Variants in ST8SIA1 observed in about 807,000 individuals in gnomAD.
ST8SIA1 encodes the protein ST8 alpha-N-acetyl-neuraminide alpha-2,8-sialyltransferase 1, also known as alpha-N-acetylneuraminide alpha-2,8-sialyltransferase.
In ST8SIA1, 16 loss-of-function variants were observed where a neutral mutation model predicts 35.9. The observed-to-expected ratio is 0.45, with a 90% CI of 0.30 to 0.68. The LOEUF is 0.68. Ranked by LOEUF, ST8SIA1 falls within the 30% of genes least tolerant of loss-of-function variation. The pLI is 0.09. For synonymous variants in ST8SIA1, 170 were observed against 169.6 expected (o/e 1.00, Z -0.02); for missense variants, 383 against 453.6 (o/e 0.84, Z 1.41).
chr12:22,202,425 T>C (rs1446288383), intron 4 of ST8SIA1, among the ~76,000 whole-genome samples: 2 of 152,248 alleles, frequency 1.3e-5, no homozygotes, highest in African/African-American at 2.4e-5. Flanking sequence ...ACCACAAGAC[T>C]GGTTTCTTCA....
At chr12:22,290,294 A>G (rs1471262310) in intron 1 of ST8SIA1, among the ~76,000 whole-genome samples, 1 of 152,180 alleles carries the variant, frequency 6.6e-6, no homozygotes, top group Non-Finnish European at 1.5e-5. Context: ...TGCATATCCC[A>G]TGTGCCTGAG....
chr12:22,333,795 C>T, intron 1 of ST8SIA1: 1 of 763,416 alleles, frequency 1.3e-6, no homozygotes, highest in South Asian at 1.4e-5. Flanking sequence ...GTCTGCACAT[C>T]TCTGGGGATC....
rs929929085 is a variant in ST8SIA1, at chr12:22,218,819, C to CA, written c.585-16782dup. 3.4e-5 allele frequency among the ~76,000 whole-genome samples: 5 copies of CA among 149,080 alleles called. No individual in the cohort carries two copies. The South Asian group carries it at 6.4e-4, about 19-fold the overall frequency. On this transcript the variant is annotated intron_variant, in intron 4 of 4. Transcript: ENST00000396037. ...TGGGCAACAGAGTGAGACTTGGTCT[C>CA]AAAAAAATAAATAAATAAAATAAAA...
chr12:22,265,440 A>G (rs1865836576), intron 2 of ST8SIA1, among the ~76,000 whole-genome samples: 1 of 152,246 alleles, frequency 6.6e-6, no homozygotes, highest in African/African-American at 2.4e-5. Flanking sequence ...GTTGATGAGC[A>G]TCACCTTGTA....
At chr12:22,309,329 C>A (rs754935252) in intron 1 of ST8SIA1, among the ~76,000 whole-genome samples, 4 of 152,136 alleles carry the variant, frequency 2.6e-5, no homozygotes, top group Admixed American at 6.6e-5. Context: ...CGCTGCCCCT[C>A]CTTTTTGCCT....
intron 1 of ST8SIA1, among the ~76,000 whole-genome samples, chr12:22,296,614 C>T (rs1294955206): frequency 1.3e-5 from 2 of 152,090 alleles, no homozygotes; most frequent in African/African-American, 2.4e-5. Flanking sequence ...TACATGAATT[C>T]GTATCTTTAT....
intron 4 of ST8SIA1, among the ~76,000 whole-genome samples, chr12:22,238,788 G>T (rs1865505272): frequency 6.6e-6 from 1 of 152,122 alleles, no homozygotes; most frequent in Admixed American, 6.5e-5. Context: ...GTTTTATACA[G>T]ATAAAATTGT....
chr12:22,247,122 C>T (rs1391037292), intron 4 of ST8SIA1, among the ~76,000 whole-genome samples: 1 of 149,682 alleles, frequency 6.7e-6, no homozygotes, highest in Admixed American at 6.7e-5. Flanking sequence ...CTTTCCCTCC[C>T]TCCCTCATTT....
chr12:22,212,348 T>C (rs933152375), intron 4 of ST8SIA1, among the ~76,000 whole-genome samples: 3 of 152,214 alleles, frequency 2.0e-5, no homozygotes, highest in Non-Finnish European at 4.4e-5. Flanking sequence ...TTGGGGACCA[T>C]TTTCCATGTT....
intron 4 of ST8SIA1, among the ~76,000 whole-genome samples, chr12:22,215,019 C>G (rs1436657402): frequency 6.6e-6 from 1 of 152,154 alleles, no homozygotes; most frequent in Non-Finnish European, 1.5e-5. Context: ...ACATAGCCCT[C>G]CTGTCCTGTG....
chr12:22,264,960 C>G (rs141236930), intron 2 of ST8SIA1, among the ~76,000 whole-genome samples: 187 of 152,310 alleles, frequency 1.2e-3, no homozygotes, highest in Admixed American at 1.6e-3. Context: ...ATTTCTTACT[C>G]AATCCATTAT....
intron 4 of ST8SIA1, among the ~76,000 whole-genome samples, chr12:22,207,803 T>C (rs1865129610): frequency 6.6e-6 from 1 of 152,018 alleles, no homozygotes; most frequent in Non-Finnish European, 1.5e-5. Context: ...AAGTCCACAA[T>C]CATAATGAGT....
At chr12:22,321,931 C>G (rs1470526571) in intron 1 of ST8SIA1, among the ~76,000 whole-genome samples, 1 of 152,234 alleles carries the variant, frequency 6.6e-6, no homozygotes, top group Non-Finnish European at 1.5e-5. Context: ...CAGCCTGCCT[C>G]TGTCTCTTTG....
intron 2 of ST8SIA1, among the ~76,000 whole-genome samples, chr12:22,262,010 G>T (rs922521958): frequency 3.9e-5 from 6 of 152,224 alleles, no homozygotes; most frequent in African/African-American, 1.4e-4. Context: ...GTGCTATAAG[G>T]TTAGGAAAAA....
At chr12:22,264,989 A>G (rs1865830112) in intron 2 of ST8SIA1, among the ~76,000 whole-genome samples, 1 of 152,266 alleles carries the variant, frequency 6.6e-6, no homozygotes, top group South Asian at 2.1e-4. Flanking sequence ...ACACAAAAGC[A>G]TTCCAAAAAG....
In ST8SIA1 at chr12:22,237,335, A is replaced by G. The variant is rs1444612536; in HGVS notation, c.584+11671T>C. Among the ~76,000 whole-genome samples the G allele has an allele frequency of 2.6e-5, 4 of 152,216 alleles. No homozygotes were observed. The East Asian group carries it at 7.7e-4, about 29-fold the overall frequency. On this transcript the variant is annotated intron_variant, in intron 4 of 4. Coordinates refer to ENST00000396037, the MANE Select transcript of ST8SIA1 (RefSeq NM_003034.4). The stretch of plus-strand genomic sequence containing the variant: ...TGGTCTCAAACCCCTGGCCTCAAGC[A>G]GTCCTCCCACCTCAGCCTCCTACCT...
At chr12:22,230,205 A>T (rs1565572542) in intron 4 of ST8SIA1, among the ~76,000 whole-genome samples, 1 of 152,212 alleles carries the variant, frequency 6.6e-6, no homozygotes, top group Non-Finnish European at 1.5e-5. Flanking sequence ...TTTTAGTGAT[A>T]TCAGGCACAT....
At chr12:22,204,094 A>G (rs550908506) in intron 4 of ST8SIA1, among the ~76,000 whole-genome samples, 10 of 152,224 alleles carry the variant, frequency 6.6e-5, no homozygotes, top group African/African-American at 2.4e-4. Flanking sequence ...CATTCTAAGA[A>G]GTGCTCCATC....
At chr12:22,314,443 G>A (rs1866491459) in intron 1 of ST8SIA1, among the ~76,000 whole-genome samples, 1 of 152,022 alleles carries the variant, frequency 6.6e-6, no homozygotes, top group South Asian at 2.1e-4. Flanking sequence ...AGACAATTCA[G>A]TGCATAACTG....
Sources: allele counts gnomAD v4.1 joint callset (sites outside exome capture counted in the v4.1 genomes callset), GRCh38; gene constraint gnomAD v4.1.1; transcripts MANE v1.5; gene names NCBI Gene and HGNC (gene_info 2026-07-23, HGNC 2026-07-21).